NRXN3: variants seen among roughly 807,000 people sequenced by gnomAD.
NRXN3 encodes neurexin III.
In NRXN3, 32 loss-of-function variants were observed where a neutral mutation model predicts 137.6. The ratio of observed to expected loss-of-function variants is 0.23; its 90% CI spans 0.18 to 0.31. The LOEUF is 0.31. Among genes scored for constraint, NRXN3 ranks in the 10% least tolerant of loss-of-function variants. The pLI is 1.00. For missense variants in NRXN3, 1,574 were observed against 2,062.5 expected, an observed-to-expected ratio of 0.76 and a Z score of 4.59; for synonymous variants, 798 against 784.5, an observed-to-expected ratio of 1.02 and a Z score of -0.29.
chr14:78,654,613 G>A lies in NRXN3; in HGVS notation c.1221+3287G>A, dbSNP rs566942114. ...ACCAGTGTAAAAGCCACAACAAAGC[G>A]TCCACATTGTCGTCAAACTATGATG... On this transcript the variant is annotated intron_variant, in intron 6 of 20. Coordinates refer to ENST00000335750, the MANE Select transcript of NRXN3 (RefSeq NM_001330195.2). Among the ~76,000 whole-genome samples the A allele has an allele frequency of 7.2e-5, 11 of 152,318 alleles. No homozygotes were observed. In the South Asian group the frequency reaches 1.7e-3, roughly 23 times the overall value.
intron 16 of NRXN3, among the ~76,000 whole-genome samples, chr14:79,480,706 T>C (rs73339491): frequency 0.048 from 7,250 of 152,040 alleles, 599 homozygotes; most frequent in African/African-American, 0.17. Context: ...AGGGAGGTGG[T>C]TGGATCATGG....
intron 20 of NRXN3, among the ~76,000 whole-genome samples, chr14:79,850,834 G>A (rs2099389948): frequency 6.6e-6 from 1 of 152,152 alleles, no homozygotes; most frequent in African/African-American, 2.4e-5. Context: ...AACAAGGTTT[G>A]TGTATGTGAA....
chr14:79,375,023 G>A (rs2094220693), intron 15 of NRXN3, among the ~76,000 whole-genome samples: 1 of 152,028 alleles, frequency 6.6e-6, no homozygotes, highest in Non-Finnish European at 1.5e-5. Flanking sequence ...CCAGGCATTG[G>A]GCTATATATG....
At chr14:79,737,389 A>T (rs8003552) in intron 19 of NRXN3, among the ~76,000 whole-genome samples, 97,897 of 152,066 alleles carry the variant, frequency 0.64, 32,629 homozygotes, top group African/African-American at 0.79. Context: ...AACCTAATTA[A>T]TGAATTATCC....
At chr14:79,768,105 C>G (rs968960249) in intron 19 of NRXN3, among the ~76,000 whole-genome samples, 1 of 152,340 alleles carries the variant, frequency 6.6e-6, no homozygotes, top group South Asian at 2.1e-4. Flanking sequence ...TATCCCTCAC[C>G]TGGCTCGGAG....
intron 15 of NRXN3, among the ~76,000 whole-genome samples, chr14:79,306,613 A>C (rs60679807): frequency 0.014 from 2,174 of 152,182 alleles, 61 homozygotes; most frequent in African/African-American, 0.049. Flanking sequence ...CTCTGCACAG[A>C]GCTTGAGAGG....
chr14:79,516,381 G>A (rs2096984711), intron 16 of NRXN3, among the ~76,000 whole-genome samples: 1 of 152,104 alleles, frequency 6.6e-6, no homozygotes, highest in Admixed American at 6.6e-5. Flanking sequence ...AGTCACAAGA[G>A]AGTTTGTAAA....
chr14:78,424,167 A>G (rs572131757), intron 4 of NRXN3, among the ~76,000 whole-genome samples: 31 of 152,196 alleles, frequency 2.0e-4, no homozygotes, highest in African/African-American at 6.7e-4. Context: ...TCTACATTTT[A>G]TCTCCTACGT....
intron 20 of NRXN3, among the ~76,000 whole-genome samples, chr14:79,849,287 C>T (rs192263929): frequency 2.4e-3 from 358 of 152,248 alleles, no homozygotes; most frequent in African/African-American, 8.4e-3. Flanking sequence ...CACTTCTTCA[C>T]AGCAAAGAAA....
intron 15 of NRXN3, among the ~76,000 whole-genome samples, chr14:79,212,763 C>T (rs1374073919): frequency 6.6e-6 from 1 of 151,700 alleles, no homozygotes; most frequent in African/African-American, 2.4e-5. Context: ...CTTTTCATTG[C>T]AGGCCTTCTC....
At chr14:79,779,189 C>T (rs1309122451) in intron 19 of NRXN3, among the ~76,000 whole-genome samples, 2 of 152,224 alleles carry the variant, frequency 1.3e-5, no homozygotes, top group African/African-American at 2.4e-5. Context: ...TCTTGGCTCA[C>T]CGCAACCTCT....
intron 6 of NRXN3, among the ~76,000 whole-genome samples, chr14:78,666,725 C>T (rs1478493038): frequency 1.3e-5 from 2 of 152,192 alleles, no homozygotes; most frequent in African/African-American, 2.4e-5. Flanking sequence ...CCCCATAGTA[C>T]TTCGCCTATC....
chr14:79,319,082 T>A (rs969238361), intron 15 of NRXN3, among the ~76,000 whole-genome samples: 6 of 152,212 alleles, frequency 3.9e-5, no homozygotes, highest in African/African-American at 1.4e-4. Context: ...TAAAAGAGGA[T>A]ATGTTTTCTT....
In NRXN3 at chr14:78,536,809, A is replaced by C. The variant is rs965790599; in HGVS notation, c.758-108311A>C. Among the ~76,000 whole-genome samples, 24 of 128,364 alleles carry C rather than the reference A, an allele frequency of 1.9e-4. 1 individual carries two copies. Among genetic ancestry groups the C allele is most frequent in the African/African-American group, 6.4e-4 (21 of 32,832 alleles). The allele number at this position is 128,364 out of a possible 152,430, so 84.2% of individuals were successfully genotyped here. On this transcript the variant is annotated intron_variant, in intron 4 of 20. Transcript: ENST00000335750. ...GTGTGATGTTCCCCGGCCTGTGTCC[A>C]AGTGAACTCAATGTTCCATTCTCAC... is the stretch of plus-strand genomic sequence containing the variant.
rs568895265 is a variant in NRXN3 at position 79,238,602 on chromosome 14, T to C, written c.3263-228619T>C. ...TATCATGGAATAAATGTGTAAATAT[T>C]ACTATATTACTAATGTATCTTAATT... On this transcript the variant is annotated intron_variant, in intron 15 of 20. Coordinates refer to ENST00000335750, the MANE Select transcript of NRXN3 (RefSeq NM_001330195.2). Among the ~76,000 whole-genome samples, 5 of 152,292 alleles carry C rather than the reference T, an allele frequency of 3.3e-5. No homozygotes were observed. The South Asian group carries it at 1.0e-3, about 32-fold the overall frequency.
chr14:79,248,367 G>T (rs1042145613), intron 15 of NRXN3, among the ~76,000 whole-genome samples: 14 of 152,224 alleles, frequency 9.2e-5, no homozygotes, highest in African/African-American at 3.4e-4. Context: ...CTTTGCCCAT[G>T]CTGGGTCCCC....
intron 15 of NRXN3, among the ~76,000 whole-genome samples, chr14:79,084,931 G>T (rs1370959271): frequency 1.3e-5 from 2 of 152,016 alleles, no homozygotes; most frequent in Non-Finnish European, 2.9e-5. Flanking sequence ...AGACTGTTGG[G>T]GACCATCTGT....
Position 78,569,129 on chromosome 14 carries a change from G to A in NRXN3, c.758-75991G>A, listed in dbSNP as rs373577444. Among the ~76,000 whole-genome samples, 35 of 148,574 alleles carry A rather than the reference G, an allele frequency of 2.4e-4. No individual in the cohort carries two copies. The East Asian group carries it at 6.5e-3, about 27-fold the overall frequency. On this transcript the variant is annotated intron_variant, in intron 4 of 20. Coordinates refer to ENST00000335750, the MANE Select transcript of NRXN3 (RefSeq NM_001330195.2). ...ACTACAGGCGCCAGCCACCACGCCT[G>A]GCTAATTTTTTGTATTTTTAGTAGA...
rs1284696088 is a variant in NRXN3, at chr14:78,248,848, G to T, written c.709+5046G>T. On this transcript the variant is annotated intron_variant, in intron 2 of 20. Transcript: ENST00000335750. The stretch of plus-strand genomic sequence containing the variant: ...AAATGTACACAAAGGAGGGACTGCT[G>T]CTTCTGAGACTTGATTCCCCACCCA... 5.3e-5 allele frequency among the ~76,000 whole-genome samples: 8 copies of T among 152,260 alleles called. No homozygotes were observed. In the South Asian group the frequency reaches 8.3e-4, roughly 16 times the overall value.
Sources: gnomAD v4.1 joint callset for allele counts (sites outside exome capture counted in the v4.1 genomes callset) on GRCh38, gnomAD v4.1.1 for gene constraint, MANE v1.5 for transcripts, NCBI Gene and HGNC (gene_info 2026-07-23, HGNC 2026-07-21) for gene names.